CDKAL1: variants seen among roughly 807,000 people sequenced by gnomAD.
CDKAL1 encodes CDKAL1 threonylcarbamoyladenosine tRNA methylthiotransferase, also known as threonylcarbamoyladenosine tRNA methylthiotransferase.
CDKAL1 carries 32 observed loss-of-function variants against 68.2 expected under a neutral mutation model. That is an observed-to-expected ratio of 0.47 (90% CI 0.35 to 0.63). The LOEUF (loss-of-function observed/expected upper bound fraction) is 0.63. CDKAL1 is among the 30% of genes least tolerant of loss of function. The pLI is 0.00. For synonymous variants in CDKAL1, 234 were observed against 244.3 expected, an observed-to-expected ratio of 0.96 and a Z score of 0.39; for missense variants, 606 against 696.7, an observed-to-expected ratio of 0.87 and a Z score of 1.47.
At chr6:21,003,590 G>T (rs1220241784) in intron 11 of CDKAL1, among the ~76,000 whole-genome samples, 1 of 151,362 alleles carries the variant, frequency 6.6e-6, no homozygotes, top group Admixed American at 6.6e-5. Context: ...AAAGAAAAAA[G>T]AAATAAATGA....
chr6:21,031,868 T>C (rs1229322489), intron 11 of CDKAL1, among the ~76,000 whole-genome samples: 2 of 152,168 alleles, frequency 1.3e-5, no homozygotes, highest in Non-Finnish European at 2.9e-5. Context: ...TCTAACCCTT[T>C]ATTCCCCCAT....
Position 21,187,252 on chromosome 6 carries a change from T to TTC in CDKAL1, c.1300-10768_1300-10767insCT, listed in dbSNP as rs1375163699. Among the ~76,000 whole-genome samples, 3 of 152,328 alleles carry TTC rather than the reference T, an allele frequency of 2.0e-5. No homozygotes were observed. In the East Asian group the frequency reaches 5.8e-4, roughly 29 times the overall value. Reference sequence around the variant, plus strand: ...ACAACTGGCAGGATAGAATCCATTTTTAACATTATAGATTAAATATTATGA... The same window carrying TTC: ...ACAACTGGCAGGATAGAATCCATTTTTCTAACATTATAGATTAAATATTATGA... On this transcript the variant is annotated intron_variant, in intron 13 of 15. Coordinates refer to ENST00000274695, the MANE Select transcript of CDKAL1 (RefSeq NM_017774.3).
intron 8 of CDKAL1, among the ~76,000 whole-genome samples, chr6:20,813,081 A>C (rs993585832): frequency 2.6e-5 from 4 of 152,088 alleles, no homozygotes; most frequent in African/African-American, 9.7e-5. Context: ...GATGTTGAAC[A>C]TCCTTTCTGT....
At chr6:20,654,267 A>G (rs1025661523) in intron 5 of CDKAL1, among the ~76,000 whole-genome samples, 5 of 150,154 alleles carry the variant, frequency 3.3e-5, no homozygotes, top group Non-Finnish European at 7.4e-5. Context: ...TTTTGGTAAA[A>G]TGGCTTCTCA....
intron 12 of CDKAL1, among the ~76,000 whole-genome samples, chr6:21,079,121 A>G (rs1242254972): frequency 6.6e-5 from 10 of 152,182 alleles, no homozygotes; most frequent in Non-Finnish European, 2.9e-5. Flanking sequence ...ATTAATGAGA[A>G]TAAAATTCAT....
chr6:20,758,756 T>C, intron 7 of CDKAL1, 113 bp downstream of exon 7: 1 of 726,880 alleles, frequency 1.4e-6, no homozygotes, highest in East Asian at 2.8e-5. Context: ...GTTTTAGATA[T>C]AAAATCATAA....
chr6:20,841,651 G>A (rs930776870), intron 8 of CDKAL1, among the ~76,000 whole-genome samples: 2 of 152,200 alleles, frequency 1.3e-5, no homozygotes, highest in Non-Finnish European at 2.9e-5. Context: ...GCTCACGCCT[G>A]TCATCCCAAC....
intron 8 of CDKAL1, among the ~76,000 whole-genome samples, chr6:20,790,789 C>T (rs941649860): frequency 6.6e-6 from 1 of 152,148 alleles, no homozygotes; most frequent in African/African-American, 2.4e-5. Context: ...CCCCCCACCC[C>T]TGTAGTTGGG....
chr6:21,112,578 C>T (rs1582221919), intron 13 of CDKAL1, among the ~76,000 whole-genome samples: 1 of 152,270 alleles, frequency 6.6e-6, no homozygotes, highest in South Asian at 2.1e-4. Context: ...TCATCTAGCT[C>T]CTGTGTTGGT....
chr6:20,609,277 C>CT, intron 4 of CDKAL1, among the ~76,000 whole-genome samples: 2 of 16,952 alleles, frequency 1.2e-4, no homozygotes, highest in Admixed American at 1.5e-3. Flanking sequence ...CCTCCTTCTC[C>CT]TCCTTCTCCT....
chr6:20,539,967 A>G lies in CDKAL1; in HGVS notation c.-6+4573A>G, dbSNP rs913577893. On this transcript the variant is annotated intron_variant, in intron 2 of 15. Coordinates refer to ENST00000274695, the MANE Select transcript of CDKAL1 (RefSeq NM_017774.3). This position sits in a 1 kb window ranked among gnomAD's most constrained non-coding sequence, Gnocchi z 4.3. ...GGGTATGGTCACAAATAGATTCTGA[A>G]TATATTTTGAAGGTACAGCCAACAG... is the stretch of plus-strand genomic sequence containing the variant. Among the ~76,000 whole-genome samples the G allele has an allele frequency of 1.3e-5, 2 of 152,162 alleles. No homozygotes were observed. Among genetic ancestry groups the G allele is most frequent in the African/African-American group, 4.8e-5 (2 of 41,432 alleles).
chr6:20,880,921 G>A (rs190284294), intron 9 of CDKAL1, among the ~76,000 whole-genome samples: 141 of 152,192 alleles, frequency 9.3e-4, no homozygotes, highest in Non-Finnish European at 1.6e-3. Flanking sequence ...TTTGTTTTTG[G>A]CAAGGGACCA....
At chr6:20,810,638 GT>G (rs1223197670) in intron 8 of CDKAL1, among the ~76,000 whole-genome samples, 38 of 129,300 alleles carry the variant, frequency 2.9e-4, no homozygotes, top group African/African-American at 1.1e-3. Context: ...GTGTGTGTGT[GT>G]GTGTGTGTGT....
chr6:20,729,730 C>T (rs964517560), intron 5 of CDKAL1, among the ~76,000 whole-genome samples: 2 of 152,146 alleles, frequency 1.3e-5, no homozygotes, highest in African/African-American at 4.8e-5. Flanking sequence ...ATAGCAGAGC[C>T]AGTGTTAGAA....
intron 9 of CDKAL1, among the ~76,000 whole-genome samples, chr6:20,911,607 G>A (rs1358558831): frequency 6.6e-6 from 1 of 152,166 alleles, no homozygotes; most frequent in Non-Finnish European, 1.5e-5. Context: ...TGCTCTTTTA[G>A]TTTTGCCCTT....
At chr6:21,069,568 T>G (rs941746766) in intron 12 of CDKAL1, among the ~76,000 whole-genome samples, 2 of 152,094 alleles carry the variant, frequency 1.3e-5, no homozygotes, top group Non-Finnish European at 2.9e-5. Context: ...CATGAAGGTT[T>G]TGCATTTTTG....
chr6:20,772,343 T>C (rs6941727), intron 7 of CDKAL1, among the ~76,000 whole-genome samples: 67,671 of 151,994 alleles, frequency 0.45, 15,289 homozygotes, highest in South Asian at 0.5. Context: ...TCAATACTAA[T>C]GTTGAGTTAT....
At chr6:21,126,837 T>C (rs1775037403) in intron 13 of CDKAL1, among the ~76,000 whole-genome samples, 1 of 152,226 alleles carries the variant, frequency 6.6e-6, no homozygotes, top group South Asian at 2.1e-4. Flanking sequence ...TTGGCTTCCT[T>C]AATTGAACTG....
rs551324530 is a variant in CDKAL1 at position 21,031,210 on chromosome 6, G to GCTGGGACCATTCTCAGCTC, written c.1055+30841_1055+30859dup. Among the ~76,000 whole-genome samples the GCTGGGACCATTCTCAGCTC allele has an allele frequency of 6.0e-3, 909 of 151,862 alleles. 9 individuals carry two copies. Among genetic ancestry groups the GCTGGGACCATTCTCAGCTC allele is most frequent in the African/African-American group, 0.021 (871 of 41,410 alleles). On this transcript the variant is annotated intron_variant, in intron 11 of 15. Transcript: ENST00000274695. ...GTTCCTATATTCCTGCTAGCTGCTG[G>GCTGGGACCATTCTCAGCTC]CTGGGACCATTCTCAGCTCCTAGCA...
Sources: allele counts gnomAD v4.1 joint callset (sites outside exome capture counted in the v4.1 genomes callset), GRCh38; gene constraint gnomAD v4.1.1; non-coding constraint Gnocchi (gnomAD v3.1); transcripts MANE v1.5; gene names NCBI Gene and HGNC (gene_info 2026-07-23, HGNC 2026-07-21).